Variants in C6 observed in about 807,000 individuals in gnomAD.
C6 encodes complement C6.
Under a neutral mutation model 112.9 loss-of-function variants are expected in C6, and 101 were observed. That is an observed-to-expected ratio of 0.89 (90% confidence interval 0.76 to 1.06). The LOEUF (loss-of-function observed/expected upper bound fraction) is 1.06. C6 is among the 50% of genes least tolerant of loss of function. The pLI, the probability that C6 is intolerant of heterozygous loss-of-function variation, is 0.00. For synonymous variants in C6, 431 were observed against 384.1 expected, an observed-to-expected ratio of 1.12 and a Z score of -1.43; for missense variants, 1,202 against 1,104.6, an observed-to-expected ratio of 1.09 and a Z score of -1.25.
intron 1 of C6, among the ~76,000 whole-genome samples, chr5:41,209,737 A>G (rs939625783): frequency 1.1e-4 from 16 of 152,364 alleles, no homozygotes; most frequent in African/African-American, 2.6e-4. Context: ...AAATGGAAGA[A>G]CATTCCATGC....
At chr5:41,157,646 G>C (rs1162749197) in intron 13 of C6, among the ~76,000 whole-genome samples, 2 of 152,128 alleles carry the variant, frequency 1.3e-5, no homozygotes, top group Admixed American at 6.6e-5. Flanking sequence ...TGTTCCCAAA[G>C]TGTGGCTCCT....
chr5:41,200,081 A>G (rs1750896474), intron 3 of C6, among the ~76,000 whole-genome samples, 169 bp from the exon 4 acceptor site: 1 of 152,190 alleles, frequency 6.6e-6, no homozygotes, highest in East Asian at 1.9e-4. Flanking sequence ...TAGGGAAATA[A>G]TCACCTCTGT....
chr5:41,236,528 C>T (rs1377555050), intron 1 of C6, among the ~76,000 whole-genome samples: 9 of 126,522 alleles, frequency 7.1e-5, no homozygotes, highest in East Asian at 6.7e-4. Context: ...TTGAAACCAA[C>T]GAGAACAAAG....
At chr5:41,186,463 A>C in intron 5 of C6, 1 of 459,248 alleles carries the variant, frequency 2.2e-6, no homozygotes, top group South Asian at 2.4e-5. Context: ...GGCTTTCAAC[A>C]TACAACAAAA....
At position 41,227,399 on chromosome 5, in the gene C6, T is replaced by C. The variant is rs188163865; in HGVS notation, c.-20-24149A>G. 2.0e-5 allele frequency among the ~76,000 whole-genome samples: 3 copies of C among 152,274 alleles called. No individual in the cohort carries two copies. In the East Asian group the frequency reaches 5.8e-4, roughly 29 times the overall value. On this transcript the variant is annotated intron_variant, in intron 1 of 17. Transcript: ENST00000263413. Reference sequence around the variant, plus strand: ...TGTGAAAATACTTTCTCCTATTCCGTAGGTTGTCTGTTCACTCTATTGATT... The same window carrying C: ...TGTGAAAATACTTTCTCCTATTCCGCAGGTTGTCTGTTCACTCTATTGATT...
intron 15 of C6, among the ~76,000 whole-genome samples, chr5:41,152,422 T>A (rs1450439129): frequency 6.6e-6 from 1 of 152,086 alleles, no homozygotes; most frequent in Non-Finnish European, 1.5e-5. Context: ...ATTTTCTTGA[T>A]CTGGATCTGA....
At chr5:41,210,703 A>G (rs1751846453) in intron 1 of C6, among the ~76,000 whole-genome samples, 1 of 152,192 alleles carries the variant, frequency 6.6e-6, no homozygotes. Flanking sequence ...ATCTCACACC[A>G]GTTAGAATGG....
chr5:41,182,213 T>C (rs1330446344), intron 6 of C6, among the ~76,000 whole-genome samples: 3 of 151,874 alleles, frequency 2.0e-5, no homozygotes, highest in Non-Finnish European at 4.4e-5. Flanking sequence ...TAAATATAAA[T>C]GGTATCTGTC....
At chr5:41,144,134 T>A (rs774175955) in intron 17 of C6, among the ~76,000 whole-genome samples, 10 of 152,226 alleles carry the variant, frequency 6.6e-5, no homozygotes, top group Admixed American at 6.5e-5. Context: ...TTGTTCTTTC[T>A]CCTATGTCAT....
At chr5:41,251,550 A>G (rs1420767596) in intron 1 of C6, among the ~76,000 whole-genome samples, 1 of 152,208 alleles carries the variant, frequency 6.6e-6, no homozygotes, top group African/African-American at 2.4e-5. Flanking sequence ...CCCTTGCCCT[A>G]GAAGAAAAGT....
intron 7 of C6, among the ~76,000 whole-genome samples, chr5:41,177,314 T>C (rs1388044824): frequency 6.6e-6 from 1 of 152,208 alleles, no homozygotes; most frequent in Non-Finnish European, 1.5e-5. Flanking sequence ...TTATATTCTC[T>C]CTCCTCCACC....
At chr5:41,210,530 A>G (rs1002291462) in intron 1 of C6, among the ~76,000 whole-genome samples, 1 of 152,194 alleles carries the variant, frequency 6.6e-6, no homozygotes, top group Admixed American at 6.5e-5. Context: ...AGAAAAAATC[A>G]AACAACCCCA....
intron 1 of C6, among the ~76,000 whole-genome samples, chr5:41,257,407 T>C (rs751567909): frequency 2.6e-4 from 39 of 152,180 alleles, no homozygotes; most frequent in Non-Finnish European, 4.9e-4. Context: ...ACATTTTCTT[T>C]ATCCAGTACA....
At chr5:41,203,745 ATAAAG>A (rs1751213029) in intron 1 of C6, 1 of 170,634 alleles carries the variant, frequency 5.9e-6, no homozygotes, top group South Asian at 1.4e-4. Context: ...CTGACTCCAT[ATAAAG>A]TCAGAGAAAT....
At chr5:41,221,746 T>G (rs1264257093) in intron 1 of C6, among the ~76,000 whole-genome samples, 1 of 152,230 alleles carries the variant, frequency 6.6e-6, no homozygotes, top group Admixed American at 6.5e-5. Context: ...TATTCAAGTC[T>G]ATAAAAGTTA....
At chr5:41,248,262 G>A (rs1014361884) in intron 1 of C6, among the ~76,000 whole-genome samples, 1 of 152,124 alleles carries the variant, frequency 6.6e-6, no homozygotes, top group African/African-American at 2.4e-5. Flanking sequence ...CCTCAGCCTT[G>A]GGAAAGAATT....
At chr5:41,208,853 C>T (rs1030928904) in intron 1 of C6, among the ~76,000 whole-genome samples, 1 of 152,072 alleles carries the variant, frequency 6.6e-6, no homozygotes, top group Non-Finnish European at 1.5e-5. Flanking sequence ...AAGAGGGAAT[C>T]CTCCCTAACT....
rs140691326 is a variant in C6 at position 41,155,048 on chromosome 5, G to A, written c.2025C>T (p.Gly675=). 5.2e-5 allele frequency: 84 copies of A among 1,613,332 alleles called. No individual in the cohort carries two copies. The African/African-American group carries it at 7.5e-4, about 14-fold the overall frequency. The change falls in exon 14 of 18, where the codon GGC becomes GGT. Residue 675 remains glycine, a synonymous_variant. Coordinates refer to ENST00000337836, the MANE Select transcript of C6 (RefSeq NM_000065.5). ...GEDVEISCLT[G]FETVGYQYFR... is the part of the protein sequence containing the mutation. The stretch of plus-strand genomic sequence containing the variant: ...AGTACTGGTATCCAACAGTTTCAAA[G>A]CCAGTAAGGCATGAAATTTCAACAT...
intron 9 of C6, among the ~76,000 whole-genome samples, chr5:41,164,685 G>C (rs1053642397): frequency 6.6e-6 from 1 of 152,082 alleles, no homozygotes; most frequent in African/African-American, 2.4e-5. Flanking sequence ...CTATTGCAAC[G>C]GTCTCTAACT....
Sources: gnomAD v4.1 joint callset for allele counts (sites outside exome capture counted in the v4.1 genomes callset) on GRCh38, gnomAD v4.1.1 for gene constraint, MANE v1.5 for transcripts, NCBI Gene and HGNC (gene_info 2026-07-23, HGNC 2026-07-21) for gene names.